The following COL23A1 variants were observed in gnomAD, a reference collection of about 807,000 sequenced individuals.
COL23A1 encodes collagen type XXIII alpha 1 chain.
A neutral mutation model predicts 99.3 loss-of-function variants in COL23A1; 97 were observed. That is an observed-to-expected ratio of 0.98 (90% CI 0.83 to 1.16). The LOEUF (loss-of-function observed/expected upper bound fraction) is 1.16. Among genes scored for constraint, COL23A1 ranks in the 50% most tolerant of loss-of-function variants. The pLI is 0.00. For missense variants in COL23A1, 762 were observed against 757.4 expected (o/e 1.01, Z -0.07); for synonymous variants, 320 against 308.2 (o/e 1.04, Z -0.40).
At chr5:178,278,869 G>A (rs913034027) in intron 5 of COL23A1, among the ~76,000 whole-genome samples, 1 of 152,230 alleles carries the variant, frequency 6.6e-6, no homozygotes, top group Non-Finnish European at 1.5e-5. Flanking sequence ...CAGGGGAAGG[G>A]TGGGTTAATG....
At chr5:178,568,226 A>G (rs1269521392) in intron 1 of COL23A1, among the ~76,000 whole-genome samples, 1 of 152,254 alleles carries the variant, frequency 6.6e-6, no homozygotes, top group Admixed American at 6.5e-5. Context: ...AGACTGAGAA[A>G]TGGTCATAGA....
In COL23A1 at chr5:178,247,799, GCCAGGGGGC is replaced by G. The variant is rs763093623; in HGVS notation, c.1236_1244del (p.Pro420_Pro422del). The G allele has an allele frequency of 1.9e-6, 3 of 1,613,294 alleles. No homozygotes were observed. In the Admixed American group the frequency reaches 5.0e-5, roughly 27 times the overall value. ...CCATCGGGCCTGGGGGGCCAGGGGG[GCCAGGGGGC>G]CCTGGCTCCACTATGAGCTGAGCCT... On this transcript the variant is annotated inframe_deletion, in exon 21 of 29. Transcript: ENST00000390654.
At chr5:178,513,923 A>C (rs948409754) in intron 2 of COL23A1, among the ~76,000 whole-genome samples, 7 of 152,064 alleles carry the variant, frequency 4.6e-5, no homozygotes, top group African/African-American at 1.7e-4. Flanking sequence ...TTGCCATCTT[A>C]CCCATTTATA....
At chr5:178,423,156 A>AT (rs1339624196) in intron 2 of COL23A1, among the ~76,000 whole-genome samples, 3 of 150,678 alleles carry the variant, frequency 2.0e-5, no homozygotes, top group Admixed American at 6.6e-5. Flanking sequence ...TAATTCTTAT[A>AT]TTTTTTTTTG....
chr5:178,583,364 A>G (rs925082111), intron 1 of COL23A1, among the ~76,000 whole-genome samples: 1 of 152,144 alleles, frequency 6.6e-6, no homozygotes, highest in African/African-American at 2.4e-5. Flanking sequence ...ATGGTCACCT[A>G]CTGGTTTTGC....
chr5:178,323,654 C>T (rs1759472333), intron 2 of COL23A1, among the ~76,000 whole-genome samples: 1 of 152,148 alleles, frequency 6.6e-6, no homozygotes, highest in African/African-American at 2.4e-5. Context: ...GGCTTCTGCA[C>T]TAGAGAGATG....
chr5:178,319,568 G>A (rs1759172378), intron 2 of COL23A1, among the ~76,000 whole-genome samples: 1 of 152,226 alleles, frequency 6.6e-6, no homozygotes, highest in South Asian at 2.1e-4. Context: ...GCAGGCACTT[G>A]CCAGGAGAAG....
rs1177950808 is a variant in COL23A1 at position 178,387,828 on chromosome 5, T to C, written c.362-80909A>G. Among the ~76,000 whole-genome samples the C allele has an allele frequency of 2.0e-5, 3 of 152,106 alleles. No homozygotes were observed. The highest frequency in any genetic ancestry group is 4.8e-5 in the African/African-American group (2 of 41,408). ...CCACTCCTCTGTCCCCCAGCTTTTA[T>C]ACTCAGGAAGGAAGAGGGCCCAAGG... is the stretch of plus-strand genomic sequence containing the variant. On this transcript the variant is annotated intron_variant, in intron 2 of 28. Transcript: ENST00000390654. The surrounding 1 kb of genome is among the most constrained non-coding windows in gnomAD (Gnocchi z 4.7).
rs1759872488 is a variant in COL23A1, at chr5:178,329,307, C to T, written c.362-22388G>A. Reference sequence around the variant, plus strand: ...TTTCGAATTCACCCGAGTCGGCTTCCATTGCTCAGACAACTGGACGGGGCC... The same window carrying T: ...TTTCGAATTCACCCGAGTCGGCTTCTATTGCTCAGACAACTGGACGGGGCC... On this transcript the variant is annotated intron_variant, in intron 2 of 28. Coordinates refer to ENST00000390654, the MANE Select transcript of COL23A1 (RefSeq NM_173465.4). Among the ~76,000 whole-genome samples the T allele has an allele frequency of 2.0e-5, 3 of 152,188 alleles. No individual in the cohort carries two copies. The South Asian group carries it at 6.2e-4, about 32-fold the overall frequency.
intron 2 of COL23A1, among the ~76,000 whole-genome samples, chr5:178,445,881 T>C (rs972098085): frequency 1.3e-5 from 2 of 152,100 alleles, no homozygotes; most frequent in Admixed American, 6.6e-5. Context: ...TTGCAATATA[T>C]ATTCAAGACA....
intron 2 of COL23A1, among the ~76,000 whole-genome samples, chr5:178,369,472 A>G (rs1049346654): frequency 3.3e-5 from 5 of 152,190 alleles, no homozygotes; most frequent in African/African-American, 1.2e-4. Context: ...ACTCAGAGAA[A>G]TTACAATAAT....
At chr5:178,500,745 A>C (rs1319558242) in intron 2 of COL23A1, among the ~76,000 whole-genome samples, 2 of 152,172 alleles carry the variant, frequency 1.3e-5, no homozygotes, top group East Asian at 1.9e-4. Flanking sequence ...AAAACATTAA[A>C]ATTTTTAGAA....
At chr5:178,406,215 A>T (rs975348122) in intron 2 of COL23A1, among the ~76,000 whole-genome samples, 4 of 151,558 alleles carry the variant, frequency 2.6e-5, no homozygotes, top group East Asian at 1.9e-4. Flanking sequence ...AGAACAAGAT[A>T]AAAAAAAACC....
intron 5 of COL23A1, among the ~76,000 whole-genome samples, chr5:178,279,201 C>T (rs76437155): frequency 0.011 from 1,694 of 152,322 alleles, 35 homozygotes; most frequent in African/African-American, 0.038. Context: ...TCAAGGACAA[C>T]CTCTTCCTCC....
chr5:178,577,894 G>A (rs1376778088), intron 1 of COL23A1, among the ~76,000 whole-genome samples: 1 of 152,248 alleles, frequency 6.6e-6, no homozygotes, highest in East Asian at 1.9e-4. Context: ...AGCCGTCAGG[G>A]CCCAGCTACA....
At chr5:178,363,256 CT>C (rs1762270210) in intron 2 of COL23A1, among the ~76,000 whole-genome samples, 1 of 151,960 alleles carries the variant, frequency 6.6e-6, no homozygotes, top group Admixed American at 6.6e-5. Context: ...TAATTCTGGC[CT>C]CTCCTATAGG....
At chr5:178,588,009 C>A (rs1764086908) in intron 1 of COL23A1, among the ~76,000 whole-genome samples, 1 of 152,218 alleles carries the variant, frequency 6.6e-6, no homozygotes, top group Non-Finnish European at 1.5e-5. Context: ...GCACAGCATG[C>A]GCCTCAGATA....
In COL23A1 at chr5:178,248,205, A is replaced by G; in HGVS notation, c.1199T>C (p.Leu400Pro). 6.2e-7 allele frequency: 1 copy of G among 1,604,148 alleles called. No homozygotes were observed. The highest frequency in any genetic ancestry group is 8.5e-7 in the Non-Finnish European group (1 of 1,171,888). The change falls in exon 20 of 29, where the codon CTA becomes CCA. Residue 400 changes from leucine (L) to proline (P), a missense_variant. Leu to Pro is a moderately conservative substitution (Grantham distance 98). Coordinates refer to ENST00000390654, the MANE Select transcript of COL23A1 (RefSeq NM_173465.4). ...ATACCCCCTTACCAGGCTCTCCTGTAGGCTGTCAGACGCCGACTCCCCCTT... is the reference window on the plus strand; with the variant it reads ...ATACCCCCTTACCAGGCTCTCCTGTGGGCTGTCAGACGCCGACTCCCCCTT... ...GEKGESASDS[L>P]QESLAQLIVE...
chr5:178,419,871 G>A (rs535456289), intron 2 of COL23A1, among the ~76,000 whole-genome samples: 113 of 152,262 alleles, frequency 7.4e-4, no homozygotes, highest in African/African-American at 2.5e-3. Context: ...GGCAAACGCC[G>A]AGCTGTAACC....
Sources: allele counts gnomAD v4.1 joint callset (sites outside exome capture counted in the v4.1 genomes callset), GRCh38; gene constraint gnomAD v4.1.1; non-coding constraint Gnocchi (gnomAD v3.1); transcripts MANE v1.5; gene names NCBI Gene and HGNC (gene_info 2026-07-23, HGNC 2026-07-21).